The following PCDH9 variants were observed in gnomAD, a reference collection of about 807,000 sequenced individuals.
The protein encoded by PCDH9 is protocadherin-9.
PCDH9 carries 24 observed loss-of-function variants against 70.6 expected under a neutral mutation model. The ratio of observed to expected loss-of-function variants is 0.34; its 90% CI spans 0.25 to 0.48. The LOEUF is 0.48. Ranked by LOEUF, PCDH9 falls within the 20% of genes least tolerant of loss-of-function variation. The pLI is 0.99. For synonymous variants in PCDH9, 562 were observed against 558.5 expected (o/e 1.01, Z -0.09); for missense variants, 1,281 against 1,503.6 (o/e 0.85, Z 2.45).
chr13:66,648,972 A>C (rs1305160662), intron 3 of PCDH9, among the ~76,000 whole-genome samples: 2 of 152,134 alleles, frequency 1.3e-5, no homozygotes, highest in South Asian at 2.1e-4. Context: ...CAGAAGAATT[A>C]GTGAGCTTGA....
chr13:66,597,195 T>TG (rs2077114422), intron 4 of PCDH9, among the ~76,000 whole-genome samples: 1 of 151,704 alleles, frequency 6.6e-6, no homozygotes, highest in Non-Finnish European at 1.5e-5. Flanking sequence ...CTACCCAAAG[T>TG]GATCTGCAGA....
At chr13:67,114,435 AT>A (rs1167468871) in intron 2 of PCDH9, among the ~76,000 whole-genome samples, 2 of 152,210 alleles carry the variant, frequency 1.3e-5, no homozygotes, top group Non-Finnish European at 2.9e-5. Context: ...GTAGAAAAAA[AT>A]ATTTTCACTT....
chr13:67,172,891 A>AAC (rs2088335392), intron 2 of PCDH9, among the ~76,000 whole-genome samples: 2 of 151,372 alleles, frequency 1.3e-5, no homozygotes. Flanking sequence ...AAAAAAAAAA[A>AAC]AAAAAGGATG....
intron 4 of PCDH9, among the ~76,000 whole-genome samples, chr13:66,566,109 C>T (rs1333642947): frequency 6.6e-6 from 1 of 152,138 alleles, no homozygotes; most frequent in Non-Finnish European, 1.5e-5. Flanking sequence ...TTCAAGGTGG[C>T]AGTGTCTGAA....
chr13:66,575,428 A>G (rs1380548858), intron 4 of PCDH9, among the ~76,000 whole-genome samples: 1 of 152,042 alleles, frequency 6.6e-6, no homozygotes, highest in Admixed American at 6.6e-5. Flanking sequence ...ATCTAGTCCC[A>G]TCAGGATCTA....
intron 4 of PCDH9, among the ~76,000 whole-genome samples, chr13:66,508,753 G>T (rs945021078): frequency 6.6e-6 from 1 of 152,118 alleles, no homozygotes; most frequent in Non-Finnish European, 1.5e-5. Flanking sequence ...AGTATGACAG[G>T]CTGAATAATA....
intron 4 of PCDH9, among the ~76,000 whole-genome samples, chr13:66,469,384 G>A (rs1446733245): frequency 6.6e-6 from 1 of 150,384 alleles, no homozygotes; most frequent in African/African-American, 2.5e-5. Context: ...AATTATTGTA[G>A]GAAGTAAAGA....
chr13:66,974,975 CCTGT>C (rs763966650), intron 2 of PCDH9, among the ~76,000 whole-genome samples: 12 of 151,996 alleles, frequency 7.9e-5, no homozygotes, highest in Non-Finnish European at 1.6e-4. Context: ...CTAATAAAAG[CCTGT>C]CTATGTTAGA....
intron 4 of PCDH9, among the ~76,000 whole-genome samples, chr13:66,494,881 C>A (rs184929463): frequency 6.6e-6 from 1 of 151,796 alleles, no homozygotes; most frequent in African/African-American, 2.4e-5. Context: ...AAACAAAAGC[C>A]AAATGTACAA....
At position 67,216,683 on chromosome 13, in the gene PCDH9, C is replaced by CATATATATATATATATATATATATATAT. The variant is rs34829318; in HGVS notation, c.3036+8721_3036+8722insATATATATATATATATATATATATATAT. Reference sequence around the variant, plus strand: ...CACACTTTGTGGTTGTCTTAAGCAACATATATATATATATATATATATATG... The same window carrying CATATATATATATATATATATATATATAT: ...CACACTTTGTGGTTGTCTTAAGCAACATATATATATATATATATATATATATATATATATATATATATATATATATATG... On this transcript the variant is annotated intron_variant, in intron 2 of 4. Coordinates refer to ENST00000377865, the MANE Select transcript of PCDH9 (RefSeq NM_203487.3). 364 of 90,548 alleles carry CATATATATATATATATATATATATATAT rather than the reference C, an allele frequency of 4.0e-3. 15 individuals carry two copies. Among genetic ancestry groups the CATATATATATATATATATATATATATAT allele is most frequent in the East Asian group, 6.5e-3 (11 of 1,684 alleles). The allele number at this position is 90,548 out of a possible 1,614,324, so 5.6% of individuals were successfully genotyped here. A position where few individuals can be genotyped will look rare whatever the true frequency, so the allele number is the denominator to read the frequency against.
intron 4 of PCDH9, among the ~76,000 whole-genome samples, chr13:66,539,265 T>C (rs758934279): frequency 3.3e-5 from 5 of 152,082 alleles, no homozygotes; most frequent in Admixed American, 6.6e-5. Context: ...TCATTGAAGT[T>C]ACCATTTACA....
At chr13:66,654,977 T>C (rs574740914) in intron 3 of PCDH9, among the ~76,000 whole-genome samples, 2 of 152,230 alleles carry the variant, frequency 1.3e-5, no homozygotes, top group East Asian at 3.9e-4. Flanking sequence ...ACACTCACCT[T>C]GGCCTACCAA....
Position 66,631,502 on chromosome 13 carries a change from T to C in PCDH9, c.3139-91A>G, listed in dbSNP as rs1055823694. 5.6e-6 allele frequency: 4 copies of C among 714,454 alleles called. No individual in the cohort carries two copies. In the Admixed American group the frequency reaches 9.7e-5, roughly 17 times the overall value. The allele number at this position is 714,454 out of a possible 1,614,324, so 44.3% of individuals were successfully genotyped here. On this transcript the variant is annotated intron_variant, in intron 3 of 4. Coordinates refer to ENST00000377865, the MANE Select transcript of PCDH9 (RefSeq NM_203487.3). ...ACAAAATCAAAACACTTTCAACAAG[T>C]AACACAATGTAAAAGCAAAATAAAC...
At chr13:66,680,325 A>C (rs1337689100) in intron 3 of PCDH9, among the ~76,000 whole-genome samples, 1 of 152,022 alleles carries the variant, frequency 6.6e-6, no homozygotes, top group East Asian at 1.9e-4. Flanking sequence ...CTTTCATTGA[A>C]GAAAGACAGA....
At chr13:66,435,918 T>C (rs181055849) in intron 4 of PCDH9, among the ~76,000 whole-genome samples, 152 of 152,258 alleles carry the variant, frequency 1.0e-3, no homozygotes, top group African/African-American at 3.4e-3. Flanking sequence ...CTTGAGACTC[T>C]GGATATCAGT....
chr13:66,716,821 A>G (rs2139142392), intron 3 of PCDH9, among the ~76,000 whole-genome samples: 1 of 152,282 alleles, frequency 6.6e-6, no homozygotes, highest in South Asian at 2.1e-4. Context: ...TAAGCTTCTC[A>G]CTTGAACAGG....
Position 66,409,266 on chromosome 13 carries a change from T to G in PCDH9, c.3341-104238A>C, listed in dbSNP as rs568891915. Among the ~76,000 whole-genome samples, 7 of 152,350 alleles carry G rather than the reference T, an allele frequency of 4.6e-5. No individual in the cohort carries two copies. In the South Asian group the frequency reaches 1.2e-3, roughly 27 times the overall value. On this transcript the variant is annotated intron_variant, in intron 4 of 4. Coordinates refer to ENST00000377865, the MANE Select transcript of PCDH9 (RefSeq NM_203487.3). ...CAATAGAAAAACATGTTTAACATTATGTTCCCTTACTGTGAATTCCATGGT... is the reference window on the plus strand; with the variant it reads ...CAATAGAAAAACATGTTTAACATTAGGTTCCCTTACTGTGAATTCCATGGT...
chr13:67,214,953 TATATATATATATATATATA>T (rs2089563280), intron 2 of PCDH9: 3 of 71,728 alleles, frequency 4.2e-5, no homozygotes, highest in Admixed American at 1.7e-4. Context: ...TATATATATA[TATATATATATATATATATA>T]TTCACTTAAT....
intron 2 of PCDH9, among the ~76,000 whole-genome samples, chr13:67,063,233 C>G (rs2085574136): frequency 6.6e-6 from 1 of 152,060 alleles, no homozygotes; most frequent in South Asian, 2.1e-4. Flanking sequence ...TCTGGACAAT[C>G]TCCCGTAAGC....
Sources: allele counts gnomAD v4.1 joint callset (sites outside exome capture counted in the v4.1 genomes callset), GRCh38; gene constraint gnomAD v4.1.1; transcripts MANE v1.5; gene names NCBI Gene and HGNC (gene_info 2026-07-23, HGNC 2026-07-21).